The following TBC1D16 variants were observed in gnomAD, a reference collection of about 807,000 sequenced individuals.
The protein encoded by TBC1D16 is TBC1 domain family member 16.
In TBC1D16, 58 loss-of-function variants were observed where a neutral mutation model predicts 74.7. The observed-to-expected ratio is 0.78, with a 90% CI of 0.63 to 0.97. The LOEUF (loss-of-function observed/expected upper bound fraction) is 0.97. Among genes scored for constraint, TBC1D16 ranks in the 50% least tolerant of loss-of-function variants. The pLI is 0.00. For synonymous variants in TBC1D16, 493 were observed against 474.7 expected, an observed-to-expected ratio of 1.04 and a Z score of -0.50; for missense variants, 1,014 against 1,079.5, an observed-to-expected ratio of 0.94 and a Z score of 0.85.
intron 3 of TBC1D16, among the ~76,000 whole-genome samples, chr17:79,959,234 G>A (rs1303904214): frequency 6.6e-6 from 1 of 152,152 alleles, no homozygotes; most frequent in Admixed American, 6.5e-5. Context: ...AAAAATTGCT[G>A]AGATAAGTCA....
At chr17:79,965,517 T>A (rs973236417) in intron 3 of TBC1D16, among the ~76,000 whole-genome samples, 2 of 152,214 alleles carry the variant, frequency 1.3e-5, no homozygotes, top group Non-Finnish European at 2.9e-5. Flanking sequence ...GCTTCCTGTG[T>A]GCCAGGAGCT....
chr17:79,940,801 C>T lies in TBC1D16; in HGVS notation c.*58G>A, dbSNP rs1244860458. ...CTTCACGCCCAGCCCCACCCCCTCC[C>T]GTGCCCAGGGCCTCTGAGGAGGTCC... On this transcript the variant is annotated 3_prime_UTR_variant, in exon 12 of 12. Transcript: ENST00000310924. The surrounding 1 kb of genome is among the most constrained non-coding windows in gnomAD (Gnocchi z 5.4). 14 of 1,455,322 alleles carry T rather than the reference C, an allele frequency of 9.6e-6. No homozygotes were observed. The highest frequency in any genetic ancestry group is 5.7e-5 in the African/African-American group (4 of 70,536). The allele number at this position is 1,455,322 out of a possible 1,614,324, so 90.2% of individuals were successfully genotyped here.
rs576823381 is a variant in TBC1D16 at position 79,969,169 on chromosome 17, C to T, written c.780-16351G>A. ...TGGGAGGCCAAGGTGGGCAGGTCACCTGAGGTCAGGAGTTCGAGACCAGCC... is the reference window on the plus strand; with the variant it reads ...TGGGAGGCCAAGGTGGGCAGGTCACTTGAGGTCAGGAGTTCGAGACCAGCC... On this transcript the variant is annotated intron_variant, in intron 3 of 11. Coordinates refer to ENST00000310924, the MANE Select transcript of TBC1D16 (RefSeq NM_019020.4). 8.0e-4 allele frequency among the ~76,000 whole-genome samples: 122 copies of T among 151,916 alleles called. 1 individual carries two copies. The highest frequency in any genetic ancestry group is 2.9e-3 in the African/African-American group (119 of 41,414).
chr17:79,951,502 G>C lies in TBC1D16; in HGVS notation c.1037C>G (p.Ser346Cys). The C allele has an allele frequency of 6.2e-7, 1 of 1,614,162 alleles. No homozygotes were observed. Among genetic ancestry groups the C allele is most frequent in the Non-Finnish European group, 8.5e-7 (1 of 1,180,018 alleles). Residue 346 changes from serine (S) to cysteine (C), a missense_variant, in exon 5 of 12, where the codon TCT becomes TGT. Ser to Cys is a moderately radical substitution (Grantham distance 112). Coordinates refer to ENST00000310924, the MANE Select transcript of TBC1D16 (RefSeq NM_019020.4). ...GTATTTCCACTGCTGGAACACGTCA[G>C]ACAGCTTGTCCAGGCCGCCGTGGTG... ...HFHHGGLDKL[S>C]DVFQQWKYCT...
At chr17:80,016,010 C>CAAAAA (rs60327293) in intron 1 of TBC1D16, among the ~76,000 whole-genome samples, 4 of 89,652 alleles carry the variant, frequency 4.5e-5, no homozygotes, top group African/African-American at 4.4e-5. Context: ...GACTCCATCT[C>CAAAAA]AAAAAAAAAA....
In TBC1D16 at chr17:79,987,920, C is replaced by T. The variant is rs563348226; in HGVS notation, c.779+22240G>A. ...GATGCAGAGGCTCAGAAAAACCCTC[C>T]GAGGCTCTCGGATTTTACGCCTGCA... On this transcript the variant is annotated intron_variant, in intron 3 of 11. Transcript: ENST00000310924. This position sits in a 1 kb window ranked among gnomAD's most constrained non-coding sequence, Gnocchi z 5.2. 1.3e-5 allele frequency among the ~76,000 whole-genome samples: 2 copies of T among 151,992 alleles called. No individual in the cohort carries two copies. Among genetic ancestry groups the T allele is most frequent in the East Asian group, 1.9e-4 (1 of 5,154 alleles).
chr17:79,951,874 C>T (rs925648774), intron 4 of TBC1D16: 6 of 355,436 alleles, frequency 1.7e-5, no homozygotes, highest in African/African-American at 6.3e-5. Flanking sequence ...ACCCCCTGCC[C>T]GGCAACATGG....
intron 3 of TBC1D16, among the ~76,000 whole-genome samples, chr17:79,966,476 G>T (rs2033850005): frequency 6.6e-6 from 1 of 151,568 alleles, no homozygotes; most frequent in Non-Finnish European, 1.5e-5. Context: ...TGCTTATGTG[G>T]GTCCCTCTCT....
intron 10 of TBC1D16, among the ~76,000 whole-genome samples, chr17:79,942,569 G>A (rs930997149): frequency 2.6e-5 from 4 of 151,952 alleles, no homozygotes; most frequent in African/African-American, 4.8e-5. Context: ...AGAAGGCCTG[G>A]CCTGTGCTCA....
At position 79,950,586 on chromosome 17, in the gene TBC1D16, G is replaced by C. The variant is rs2032976675; in HGVS notation, c.1090-8C>G. 7 of 1,610,364 alleles carry C rather than the reference G, an allele frequency of 4.3e-6. No individual in the cohort carries two copies. The highest frequency in any genetic ancestry group is 5.9e-6 in the Non-Finnish European group (7 of 1,178,728). ...CTTATCGGGGGCGACCTGCTGGACG[G>C]GAGGAAAACTGGGCAAAGGTCAGGA... is the stretch of plus-strand genomic sequence containing the variant. On this transcript the variant is annotated splice_region_variant and splice_polypyrimidine_tract_variant and intron_variant, in intron 5 of 11. Transcript: ENST00000310924. The surrounding 1 kb of genome is among the most constrained non-coding windows in gnomAD (Gnocchi z 4.6).
intron 3 of TBC1D16, among the ~76,000 whole-genome samples, chr17:79,978,889 G>A (rs933857169): frequency 6.6e-6 from 1 of 152,194 alleles, no homozygotes; most frequent in Non-Finnish European, 1.5e-5. Flanking sequence ...GCAGTCTAGA[G>A]ACCACTCCCA....
chr17:80,002,672 G>C (rs536101254), intron 3 of TBC1D16, among the ~76,000 whole-genome samples: 10 of 152,364 alleles, frequency 6.6e-5, no homozygotes, highest in African/African-American at 2.2e-4. Flanking sequence ...ATTCCGTCCA[G>C]ACCTGTGCTG....
At chr17:79,992,227 C>G (rs2035093638) in intron 3 of TBC1D16, 1 of 152,460 alleles carries the variant, frequency 6.6e-6, no homozygotes, top group Admixed American at 6.5e-5. Flanking sequence ...GGCCCCTGAC[C>G]CCACACTCCG....
At chr17:79,996,554 A>G (rs575084467) in intron 3 of TBC1D16, among the ~76,000 whole-genome samples, 1 of 152,276 alleles carries the variant, frequency 6.6e-6, no homozygotes, top group South Asian at 2.1e-4. Context: ...CGGCCCAGCC[A>G]CTCTATGCAA....
At position 80,007,511 on chromosome 17, in the gene TBC1D16, C is replaced by A. The variant is rs970986256; in HGVS notation, c.779+2649G>T. The stretch of plus-strand genomic sequence containing the variant: ...TTCACCACCATCTGCCTCCCAGCAG[C>A]TGGGGACGGACAGGCGGACAGGGTG... On this transcript the variant is annotated intron_variant, in intron 3 of 11. Transcript: ENST00000310924. The surrounding 1 kb of genome is among the most constrained non-coding windows in gnomAD (Gnocchi z 4.5). Among the ~76,000 whole-genome samples, 1 of 152,208 alleles carries A rather than the reference C, an allele frequency of 6.6e-6. No homozygotes were observed. Among genetic ancestry groups the A allele is most frequent in the Non-Finnish European group, 1.5e-5 (1 of 68,046 alleles).
chr17:79,956,789 A>G lies in TBC1D16; in HGVS notation c.780-3971T>C, dbSNP rs1270227707. ...CATCCTGAGCCTTTTAAGTTTGCTG[A>G]AAAAAGTCGATGAGAACCCAGCTGT... On this transcript the variant is annotated intron_variant, in intron 3 of 11. Transcript: ENST00000310924. The surrounding 1 kb of genome is among the most constrained non-coding windows in gnomAD (Gnocchi z 4.0). Among the ~76,000 whole-genome samples, 1 of 152,322 alleles carries G rather than the reference A, an allele frequency of 6.6e-6. No homozygotes were observed. Among genetic ancestry groups the G allele is most frequent in the Non-Finnish European group, 1.5e-5 (1 of 68,022 alleles).
At chr17:80,020,008 G>A (rs1380721727) in intron 1 of TBC1D16, among the ~76,000 whole-genome samples, 1 of 149,836 alleles carries the variant, frequency 6.7e-6, no homozygotes, top group African/African-American at 2.5e-5. Flanking sequence ...TTACCTTGAG[G>A]TCAATATGAC....
rs2035443889 is a variant in TBC1D16, at chr17:80,000,411, G to T, written c.779+9749C>A. Among the ~76,000 whole-genome samples the T allele has an allele frequency of 6.6e-6, 1 of 152,208 alleles. No individual in the cohort carries two copies. The highest frequency in any genetic ancestry group is 2.4e-5 in the African/African-American group (1 of 41,446). ...CTGTCCATGTGGCAACAGAGGCAGGGGTCGGAATGATGTGGCCACAAGCCA... is the reference window on the plus strand; with the variant it reads ...CTGTCCATGTGGCAACAGAGGCAGGTGTCGGAATGATGTGGCCACAAGCCA... On this transcript the variant is annotated intron_variant, in intron 3 of 11. Transcript: ENST00000310924. This position sits in a 1 kb window ranked among gnomAD's most constrained non-coding sequence, Gnocchi z 4.1.
Position 79,979,888 on chromosome 17 carries a change from G to A in TBC1D16, c.780-27070C>T, listed in dbSNP as rs1453813045. Among the ~76,000 whole-genome samples, 1 of 152,130 alleles carries A rather than the reference G, an allele frequency of 6.6e-6. No individual in the cohort carries two copies. Among genetic ancestry groups the A allele is most frequent in the Non-Finnish European group, 1.5e-5 (1 of 68,026 alleles). Reference sequence around the variant, plus strand: ...ATGGGTGGGCTCTGGCTTCCAGGTGGTGGGCTCTGCGGGCCAGAGCTTGGG... The same window carrying A: ...ATGGGTGGGCTCTGGCTTCCAGGTGATGGGCTCTGCGGGCCAGAGCTTGGG... On this transcript the variant is annotated intron_variant, in intron 3 of 11. Coordinates refer to ENST00000310924, the MANE Select transcript of TBC1D16 (RefSeq NM_019020.4). The surrounding 1 kb of genome is among the most constrained non-coding windows in gnomAD (Gnocchi z 4.8).
Sources: gnomAD v4.1 joint callset for allele counts (sites outside exome capture counted in the v4.1 genomes callset) on GRCh38, gnomAD v4.1.1 for gene constraint, Gnocchi (gnomAD v3.1) non-coding constraint, MANE v1.5 for transcripts, NCBI Gene and HGNC (gene_info 2026-07-23, HGNC 2026-07-21) for gene names.